EPB41L4A: variants seen among roughly 807,000 people sequenced by gnomAD.
EPB41L4A encodes the protein erythrocyte membrane protein band 4.1 like 4A.
Under a neutral mutation model 108.6 loss-of-function variants are expected in EPB41L4A, and 100 were observed. The ratio of observed to expected loss-of-function variants is 0.92; its 90% confidence interval spans 0.78 to 1.09. The LOEUF (loss-of-function observed/expected upper bound fraction) is 1.09, where lower values mean the gene tolerates loss of function less well. Among genes scored for constraint, EPB41L4A ranks in the 50% least tolerant of loss-of-function variants. The pLI is 0.00. For synonymous variants in EPB41L4A, 319 were observed against 289.0 expected (o/e 1.10, Z -1.05); for missense variants, 1,030 against 842.7 (o/e 1.22, Z -2.75).
Position 112,247,248 on chromosome 5 carries a change from C to G in EPB41L4A, c.796-6438G>C, listed in dbSNP as rs554264447. On this transcript the variant is annotated intron_variant, in intron 9 of 22. Transcript: ENST00000261486. ...TTACCTTCCCCAGAGGCAATCACTA[C>G]TGTTAAGGGGTGGGTGTTTTTAAGG... is the stretch of plus-strand genomic sequence containing the variant. Among the ~76,000 whole-genome samples, 3 of 152,244 alleles carry G rather than the reference C, an allele frequency of 2.0e-5. No individual in the cohort carries two copies. In the East Asian group the frequency reaches 5.8e-4, roughly 29 times the overall value.
chr5:112,388,645 G>A (rs571436165), intron 1 of EPB41L4A, among the ~76,000 whole-genome samples: 6 of 152,276 alleles, frequency 3.9e-5, no homozygotes, highest in African/African-American at 1.4e-4. Context: ...ACAAGACACT[G>A]CTCTGTGCCC....
intron 1 of EPB41L4A, among the ~76,000 whole-genome samples, chr5:112,384,964 C>G (rs886274484): frequency 6.6e-6 from 1 of 152,216 alleles, no homozygotes; most frequent in Admixed American, 6.5e-5. Context: ...CTGATCACTG[C>G]ACAAGCAATT....
At chr5:112,212,957 A>C (rs1747318254) in intron 12 of EPB41L4A, among the ~76,000 whole-genome samples, 1 of 152,222 alleles carries the variant, frequency 6.6e-6, no homozygotes, top group Admixed American at 6.5e-5. Context: ...CTTCCATCCA[A>C]AAATTAACAG....
rs5870486 is a variant in EPB41L4A, at chr5:112,164,831, C to CAA, written c.*157_*158dup. 8.9e-3 allele frequency: 4,349 copies of CAA among 488,104 alleles called. 68 individuals are homozygous for CAA. Among genetic ancestry groups the CAA allele is most frequent in the African/African-American group, 0.068 (2,478 of 36,462 alleles). 30.2% of individuals were successfully genotyped at this position (488,104 alleles called of 1,614,324 possible). On this transcript the variant is annotated 3_prime_UTR_variant, in exon 23 of 23. Transcript: ENST00000261486. ...CCTGGGCGACAGAGTGATAACATCT[C>CAA]AAAAAAAAAAAAAAAAAGAAGCAAA...
chr5:112,350,947 C>T (rs1758003580), intron 1 of EPB41L4A, among the ~76,000 whole-genome samples: 1 of 152,192 alleles, frequency 6.6e-6, no homozygotes, highest in African/African-American at 2.4e-5. Context: ...GAGAGATACA[C>T]ATATCCTTCT....
intron 1 of EPB41L4A, among the ~76,000 whole-genome samples, chr5:112,402,293 G>A (rs1363653581): frequency 1.3e-5 from 2 of 151,552 alleles, no homozygotes; most frequent in East Asian, 1.9e-4. Context: ...AGGCCCCCTA[G>A]CCATGCTTCC....
chr5:112,280,963 G>A (rs940709526), intron 2 of EPB41L4A, among the ~76,000 whole-genome samples: 9 of 152,086 alleles, frequency 5.9e-5, no homozygotes, highest in Admixed American at 3.3e-4. Context: ...CAATCAAATC[G>A]TCATTAAGGA....
At chr5:112,190,546 G>T (rs1008414893) in intron 17 of EPB41L4A, among the ~76,000 whole-genome samples, 3 of 152,218 alleles carry the variant, frequency 2.0e-5, no homozygotes, top group Admixed American at 2.0e-4. Context: ...AAAGTTGGAA[G>T]AGGATGGAGG....
At chr5:112,290,648 G>A (rs1580618750) in intron 2 of EPB41L4A, among the ~76,000 whole-genome samples, 1 of 152,172 alleles carries the variant, frequency 6.6e-6, no homozygotes, top group East Asian at 1.9e-4. Context: ...ACTGTATACA[G>A]ACTATGAGAT....
chr5:112,321,440 G>C (rs1212404985), intron 1 of EPB41L4A, among the ~76,000 whole-genome samples: 2 of 152,126 alleles, frequency 1.3e-5, no homozygotes, highest in African/African-American at 4.8e-5. Context: ...TGCTCTTTTA[G>C]GGCACACAAA....
intron 18 of EPB41L4A, among the ~76,000 whole-genome samples, chr5:112,183,094 G>A (rs1761240190): frequency 6.6e-6 from 1 of 152,046 alleles, no homozygotes; most frequent in Admixed American, 6.5e-5. Flanking sequence ...AGTAAAAAGA[G>A]TCCTGGTGTG....
intron 1 of EPB41L4A, among the ~76,000 whole-genome samples, chr5:112,414,037 T>G (rs1344781400): frequency 6.6e-6 from 1 of 152,188 alleles, no homozygotes; most frequent in Non-Finnish European, 1.5e-5. Flanking sequence ...TTCTCTTCAT[T>G]TTACAGATGG....
rs5870493 is a variant in EPB41L4A at position 112,339,537 on chromosome 5, T to G, written c.100-32047A>C. On this transcript the variant is annotated intron_variant, in intron 1 of 22. Coordinates refer to ENST00000261486, the MANE Select transcript of EPB41L4A (RefSeq NM_022140.5). ...ATATATAGATATATATCTATATATA[T>G]ATATATTTTTTTTTTAGACAGAGTC... is the stretch of plus-strand genomic sequence containing the variant. 2.2e-5 allele frequency among the ~76,000 whole-genome samples: 2 copies of G among 88,952 alleles called. 1 individual carries two copies. The highest frequency in any genetic ancestry group is 4.4e-5 in the Non-Finnish European group (2 of 45,646). 58.4% of individuals were successfully genotyped at this position (88,952 alleles called of 152,430 possible).
chr5:112,397,380 A>G (rs577988351), intron 1 of EPB41L4A, among the ~76,000 whole-genome samples: 1 of 152,354 alleles, frequency 6.6e-6, no homozygotes, highest in East Asian at 1.9e-4. Context: ...TTCATATTAT[A>G]CATGTATTAC....
intron 2 of EPB41L4A, among the ~76,000 whole-genome samples, chr5:112,306,409 T>C (rs530489971): frequency 2.6e-5 from 4 of 152,250 alleles, no homozygotes; most frequent in South Asian, 2.1e-4. Context: ...TCCAACCTTA[T>C]GAAATCCTCC....
chr5:112,222,021 G>C (rs1258131714), intron 12 of EPB41L4A, among the ~76,000 whole-genome samples: 6 of 152,108 alleles, frequency 3.9e-5, no homozygotes, highest in Non-Finnish European at 8.8e-5. Flanking sequence ...CTGACTATAT[G>C]GTCTACCTAA....
chr5:112,197,927 T>C (rs1012374632), intron 15 of EPB41L4A, among the ~76,000 whole-genome samples: 1 of 152,136 alleles, frequency 6.6e-6, no homozygotes, highest in African/African-American at 2.4e-5. Flanking sequence ...TACAAACAAT[T>C]ATGGTTATCT....
downstream of EPB41L4A, chr5:112,162,104 T>C (rs778337402): frequency 3.3e-5 from 5 of 152,248 alleles, no homozygotes; most frequent in Non-Finnish European, 5.9e-5. Context: ...TAAAATGTAA[T>C]ACAAAAATAT....
chr5:112,220,975 T>G (rs1748002841), intron 12 of EPB41L4A, among the ~76,000 whole-genome samples: 1 of 152,218 alleles, frequency 6.6e-6, no homozygotes, highest in South Asian at 2.1e-4. Flanking sequence ...TCCATGAATA[T>G]ACACATATCT....
Sources: gnomAD v4.1 joint callset for allele counts (sites outside exome capture counted in the v4.1 genomes callset) on GRCh38, gnomAD v4.1.1 for gene constraint, MANE v1.5 for transcripts, NCBI Gene and HGNC (gene_info 2026-07-23, HGNC 2026-07-21) for gene names.